RALYL: variants seen among roughly 807,000 people sequenced by gnomAD.
The protein encoded by RALYL is RNA-binding Raly-like protein.
Under a neutral mutation model 35.1 loss-of-function variants are expected in RALYL, and 29 were observed. That is an observed-to-expected ratio of 0.83 (90% CI 0.61 to 1.13). RALYL has a LOEUF of 1.13. Among genes scored for constraint, RALYL ranks in the 50% most tolerant of loss-of-function variants. The pLI is 0.00. For synonymous variants in RALYL, 120 were observed against 127.6 expected (o/e 0.94, Z 0.40); for missense variants, 359 against 360.4 (o/e 1.00, Z 0.03).
At chr8:84,401,451 A>T (rs1345224056) in intron 1 of RALYL, among the ~76,000 whole-genome samples, 1 of 151,788 alleles carries the variant, frequency 6.6e-6, no homozygotes, top group Non-Finnish European at 1.5e-5. Flanking sequence ...TCTTGGCTTA[A>T]CACGGTGAAA....
rs539694469 is a variant in RALYL, at chr8:84,707,534, G to A, written c.257-67045G>A. ...TTAAAATGTGCTCACTGAAGTCTGC[G>A]ATTAAGCAGCAGGAAGAAATTGTGA... is the stretch of plus-strand genomic sequence containing the variant. On this transcript the variant is annotated intron_variant, in intron 2 of 8. Transcript: ENST00000521268. Among the ~76,000 whole-genome samples, 24 of 152,078 alleles carry A rather than the reference G, an allele frequency of 1.6e-4. No individual in the cohort carries two copies. In the South Asian group the frequency reaches 3.7e-3, roughly 24 times the overall value.
chr8:84,806,191 G>A (rs1037773944), intron 4 of RALYL, among the ~76,000 whole-genome samples: 2 of 152,126 alleles, frequency 1.3e-5, no homozygotes, highest in Non-Finnish European at 2.9e-5. Flanking sequence ...GACAAAAAAT[G>A]GAATATATGC....
In RALYL at chr8:84,802,986, A is replaced by AAGAT. The variant is rs199597295; in HGVS notation, c.333-1782_333-1779dup. Among the ~76,000 whole-genome samples the AAGAT allele has an allele frequency of 4.9e-4, 74 of 152,284 alleles. No individual in the cohort carries two copies. In the East Asian group the frequency reaches 0.014, roughly 28 times the overall value. ...GGAGGCTGAAAAAAGAGAGAGGAGA[A>AAGAT]AGATATAAAACCTTTCAAAAGATTC... On this transcript the variant is annotated intron_variant, in intron 3 of 8. Coordinates refer to ENST00000521268, the MANE Select transcript of RALYL (RefSeq NM_173848.7).
At chr8:84,852,087 C>A (rs1835968841) in intron 5 of RALYL, among the ~76,000 whole-genome samples, 1 of 152,158 alleles carries the variant, frequency 6.6e-6, no homozygotes, top group African/African-American at 2.4e-5. Context: ...AGTGACAGAA[C>A]TATGATCATA....
chr8:84,556,742 G>C (rs1314785812), intron 2 of RALYL, among the ~76,000 whole-genome samples: 3 of 152,074 alleles, frequency 2.0e-5, no homozygotes, highest in Non-Finnish European at 4.4e-5. Context: ...TGCTCACGTG[G>C]TTTGATTTTA....
chr8:84,722,690 A>G (rs1844206146), intron 2 of RALYL, among the ~76,000 whole-genome samples: 1 of 144,258 alleles, frequency 6.9e-6, no homozygotes, highest in South Asian at 2.1e-4. Context: ...TATACAATGT[A>G]TATTGTATGG....
chr8:84,490,816 G>C (rs57607259), intron 1 of RALYL, among the ~76,000 whole-genome samples: 1,784 of 151,782 alleles, frequency 0.012, 39 homozygotes, highest in African/African-American at 0.041. Context: ...AGATTTCTGT[G>C]GGGAAAGCAA....
intron 1 of RALYL, among the ~76,000 whole-genome samples, chr8:84,289,351 A>T (rs1049090709): frequency 3.3e-5 from 5 of 152,186 alleles, no homozygotes; most frequent in African/African-American, 7.2e-5. Context: ...AAAATGCTGT[A>T]AGAAAAGGGA....
At chr8:84,593,119 C>T (rs1276477993) in intron 2 of RALYL, among the ~76,000 whole-genome samples, 1 of 152,038 alleles carries the variant, frequency 6.6e-6, no homozygotes, top group Admixed American at 6.6e-5. Context: ...TCTTTTTAAT[C>T]TTTGTATATG....
chr8:84,840,513 G>A (rs1330192888), intron 4 of RALYL, among the ~76,000 whole-genome samples: 11 of 152,182 alleles, frequency 7.2e-5, no homozygotes, highest in Non-Finnish European at 1.0e-4. Context: ...AAAGTGACTG[G>A]GAGAATGGAA....
At chr8:84,510,558 C>T (rs2057524418) in intron 1 of RALYL, among the ~76,000 whole-genome samples, 2 of 152,118 alleles carry the variant, frequency 1.3e-5, no homozygotes. Context: ...CGCATGTAAT[C>T]CCACCACTTT....
chr8:84,346,835 A>G (rs73294926), intron 1 of RALYL, among the ~76,000 whole-genome samples: 5,542 of 152,170 alleles, frequency 0.036, 146 homozygotes, highest in African/African-American at 0.064. Flanking sequence ...AAAAATGTCA[A>G]AATACTTAAG....
At chr8:84,770,821 T>C (rs529909984) in intron 2 of RALYL, among the ~76,000 whole-genome samples, 1 of 152,350 alleles carries the variant, frequency 6.6e-6, no homozygotes, top group Admixed American at 6.5e-5. Context: ...TTTTTTCAAA[T>C]GTTTGTTGGT....
intron 1 of RALYL, among the ~76,000 whole-genome samples, chr8:84,402,718 T>A (rs1434158563): frequency 1.3e-5 from 2 of 152,186 alleles, no homozygotes; most frequent in Non-Finnish European, 2.9e-5. Context: ...TTACATGCTG[T>A]TTCTGATTTT....
chr8:84,218,711 A>T (rs1174885990), intron 1 of RALYL, among the ~76,000 whole-genome samples: 2 of 152,034 alleles, frequency 1.3e-5, no homozygotes, highest in African/African-American at 2.4e-5. Flanking sequence ...ACACAGCTCC[A>T]CTGAAGCTTA....
chr8:84,911,925 A>T lies in RALYL; in HGVS notation c.859-8969A>T, dbSNP rs1275456043. Reference sequence around the variant, plus strand: ...GGTCTGGAAGGGTTTTGAGCACAGGAGCTTCTGTCCCAGTCAGTTGGTATG... The same window carrying T: ...GGTCTGGAAGGGTTTTGAGCACAGGTGCTTCTGTCCCAGTCAGTTGGTATG... On this transcript the variant is annotated intron_variant, in intron 8 of 8. Transcript: ENST00000521268. 2.6e-5 allele frequency among the ~76,000 whole-genome samples: 4 copies of T among 152,222 alleles called. No individual in the cohort carries two copies. The South Asian group carries it at 6.2e-4, about 24-fold the overall frequency.
intron 1 of RALYL, among the ~76,000 whole-genome samples, chr8:84,282,442 C>A (rs1836755105): frequency 6.6e-6 from 1 of 151,990 alleles, no homozygotes; most frequent in Non-Finnish European, 1.5e-5. Context: ...ATTTTTATTT[C>A]TCTCTGTTCT....
Position 84,759,164 on chromosome 8 carries a change from A to C in RALYL, c.257-15415A>C, listed in dbSNP as rs577122059. ...GACACTTCTGATTACATGTGAATGT[A>C]CCCAGATTATCCAGGTAAATCTCCC... On this transcript the variant is annotated intron_variant, in intron 2 of 8. Transcript: ENST00000521268. 5.3e-5 allele frequency among the ~76,000 whole-genome samples: 8 copies of C among 152,256 alleles called. No homozygotes were observed. In the East Asian group the frequency reaches 1.5e-3, roughly 29 times the overall value.
At chr8:84,497,055 A>G (rs1371651213) in intron 1 of RALYL, among the ~76,000 whole-genome samples, 1 of 152,128 alleles carries the variant, frequency 6.6e-6, no homozygotes. Flanking sequence ...CTCTAAAACC[A>G]TGAGTCCTGG....
Sources: gnomAD v4.1 joint callset for allele counts (sites outside exome capture counted in the v4.1 genomes callset) on GRCh38, gnomAD v4.1.1 for gene constraint, MANE v1.5 for transcripts, NCBI Gene and HGNC (gene_info 2026-07-23, HGNC 2026-07-21) for gene names.